MITF: variants seen among roughly 807,000 people sequenced by gnomAD.
The protein encoded by MITF is microphthalmia-associated transcription factor.
MITF carries 17 observed loss-of-function variants against 60.5 expected under a neutral mutation model. The ratio of observed to expected loss-of-function variants is 0.28; its 90% CI spans 0.19 to 0.42. The LOEUF (loss-of-function observed/expected upper bound fraction) is 0.42, where lower values mean the gene tolerates loss of function less well. Ranked by LOEUF, MITF falls within the 10% of genes least tolerant of loss-of-function variation. The pLI, the probability that MITF is intolerant of heterozygous loss-of-function variation, is 1.00. For synonymous variants in MITF, 260 were observed against 248.5 expected, an observed-to-expected ratio of 1.05 and a Z score of -0.43; for missense variants, 622 against 683.5, an observed-to-expected ratio of 0.91 and a Z score of 1.00.
At chr3:69,795,483 T>C (rs2062812739) in intron 1 of MITF, among the ~76,000 whole-genome samples, 2 of 152,194 alleles carry the variant, frequency 1.3e-5, no homozygotes, top group Admixed American at 1.3e-4. Context: ...CTTAGCACTT[T>C]GGGAGGCCGA....
chr3:69,892,576 G>T (rs1338312394), intron 2 of MITF, among the ~76,000 whole-genome samples: 4 of 152,194 alleles, frequency 2.6e-5, no homozygotes, highest in Non-Finnish European at 5.9e-5. Flanking sequence ...AAAATGGTCT[G>T]TGCCCTGCTT....
At chr3:69,867,905 C>T (rs988945161) in intron 1 of MITF, among the ~76,000 whole-genome samples, 7 of 152,174 alleles carry the variant, frequency 4.6e-5, no homozygotes, top group Non-Finnish European at 8.8e-5. Flanking sequence ...TTCACAAACA[C>T]GTTTGACAAA....
chr3:69,935,101 C>T (rs1215508963), intron 2 of MITF, among the ~76,000 whole-genome samples: 4 of 152,162 alleles, frequency 2.6e-5, no homozygotes, highest in Non-Finnish European at 4.4e-5. Context: ...TTACCTTCCT[C>T]GTAGCTCATG....
chr3:69,889,025 G>GTTTTTTTTTT (rs4057977), intron 2 of MITF, among the ~76,000 whole-genome samples: 8 of 58,808 alleles, frequency 1.4e-4, no homozygotes, highest in Non-Finnish European at 2.6e-4. Flanking sequence ...ATAGCCTTTG[G>GTTTTTTTTTT]TTTTTTTTTT....
intron 5 of MITF, among the ~76,000 whole-genome samples, chr3:69,947,506 T>C (rs963396693): frequency 2.0e-5 from 3 of 152,202 alleles, no homozygotes; most frequent in African/African-American, 7.2e-5. Flanking sequence ...AAATGACAGC[T>C]AATAATCAAA....
intron 1 of MITF, among the ~76,000 whole-genome samples, chr3:69,756,364 A>T (rs947490533): frequency 5.3e-5 from 8 of 151,928 alleles, no homozygotes; most frequent in African/African-American, 1.9e-4. Flanking sequence ...ACTCCCACTT[A>T]TGAGTGAGAA....
At chr3:69,939,530 G>A (rs2065922909) in intron 4 of MITF, among the ~76,000 whole-genome samples, 1 of 152,022 alleles carries the variant, frequency 6.6e-6, no homozygotes, top group Admixed American at 6.6e-5. Flanking sequence ...CAAGATGTGT[G>A]TGTATAATCT....
chr3:69,828,896 T>C (rs1247418444), intron 1 of MITF, among the ~76,000 whole-genome samples: 2 of 151,942 alleles, frequency 1.3e-5, no homozygotes, highest in African/African-American at 4.8e-5. Context: ...CATTATCAGC[T>C]AGAGAACAAA....
At chr3:69,824,605 C>G (rs780957376) in intron 1 of MITF, among the ~76,000 whole-genome samples, 2 of 152,196 alleles carry the variant, frequency 1.3e-5, no homozygotes, top group Non-Finnish European at 2.9e-5. Flanking sequence ...GCATCCATGG[C>G]TTCTCCAGGA....
chr3:69,739,783 C>A, intron 1 of MITF, 82 bp downstream of exon 1: 1 of 1,059,082 alleles, frequency 9.4e-7, no homozygotes, highest in South Asian at 1.4e-5. Flanking sequence ...GAGAGCGGGT[C>A]GCGGGAGCTC....
At chr3:69,914,617 G>C (rs1479779244) in intron 2 of MITF, among the ~76,000 whole-genome samples, 20 of 152,138 alleles carry the variant, frequency 1.3e-4, no homozygotes, top group Admixed American at 1.3e-3. Context: ...ACACCTACCT[G>C]TCCCCCCCTG....
intron 1 of MITF, among the ~76,000 whole-genome samples, chr3:69,767,457 C>T (rs1237308026): frequency 6.6e-6 from 1 of 151,926 alleles, no homozygotes; most frequent in Non-Finnish European, 1.5e-5. Context: ...TGGTGGTGTG[C>T]ACCTGTAATC....
At chr3:69,783,433 T>C (rs1341499597) in intron 1 of MITF, among the ~76,000 whole-genome samples, 3 of 151,510 alleles carry the variant, frequency 2.0e-5, no homozygotes, top group Non-Finnish European at 4.4e-5. Context: ...AGTCAAGTGT[T>C]TGTATGTGTG....
intron 1 of MITF, among the ~76,000 whole-genome samples, chr3:69,830,131 T>C (rs2063421549): frequency 6.6e-6 from 1 of 152,158 alleles, no homozygotes; most frequent in African/African-American, 2.4e-5. Context: ...GCAGATGCTC[T>C]TTTCTGGGGT....
At chr3:69,951,291 G>A (rs2066247182) in intron 6 of MITF, among the ~76,000 whole-genome samples, 2 of 151,356 alleles carry the variant, frequency 1.3e-5, no homozygotes, top group African/African-American at 2.4e-5. Flanking sequence ...AAAGACCAAG[G>A]CTGATCTTGA....
At chr3:69,855,545 A>G (rs1036361011) in intron 1 of MITF, among the ~76,000 whole-genome samples, 16 of 152,248 alleles carry the variant, frequency 1.1e-4, no homozygotes, top group Admixed American at 1.0e-3. Context: ...GCTCTCCCGT[A>G]ACTTTGTGTA....
intron 1 of MITF, among the ~76,000 whole-genome samples, chr3:69,872,897 G>A (rs1575855156): frequency 6.6e-6 from 1 of 152,306 alleles, no homozygotes; most frequent in African/African-American, 2.4e-5. Context: ...TCTGGAGATA[G>A]GAGCATTGTC....
At chr3:69,842,860 G>T (rs1399065170) in intron 1 of MITF, among the ~76,000 whole-genome samples, 1 of 152,160 alleles carries the variant, frequency 6.6e-6, no homozygotes, top group Non-Finnish European at 1.5e-5. Context: ...CTGCTGTGTG[G>T]TGTAAACTTT....
chr3:69,921,213 G>T (rs1032336597), intron 2 of MITF, among the ~76,000 whole-genome samples: 1 of 152,176 alleles, frequency 6.6e-6, no homozygotes, highest in African/African-American at 2.4e-5. Context: ...GAGTAAGGAG[G>T]CTATATGTGA....
Sources: allele counts gnomAD v4.1 joint callset (sites outside exome capture counted in the v4.1 genomes callset), GRCh38; gene constraint gnomAD v4.1.1; transcripts MANE v1.5; gene names NCBI Gene and HGNC (gene_info 2026-07-23, HGNC 2026-07-21).